The following CHN2 variants were observed in gnomAD, a reference collection of about 807,000 sequenced individuals.
CHN2 encodes beta-chimaerin.
Under a neutral mutation model 56.3 loss-of-function variants are expected in CHN2, and 35 were observed. The ratio of observed to expected loss-of-function variants is 0.62; its 90% CI spans 0.47 to 0.82. The LOEUF (loss-of-function observed/expected upper bound fraction) is 0.82. Ranked by LOEUF, CHN2 falls within the 40% of genes least tolerant of loss-of-function variation. The probability of loss-of-function intolerance (pLI) is 0.00; values close to 1 mark genes in which losing one functional copy is unlikely to be tolerated. For synonymous variants in CHN2, 210 were observed against 212.8 expected (o/e 0.99, Z 0.12); for missense variants, 491 against 580.5 (o/e 0.85, Z 1.58).
At chr7:29,264,882 AAAAC>A (rs1187456143) in intron 1 of CHN2, among the ~76,000 whole-genome samples, 3 of 150,896 alleles carry the variant, frequency 2.0e-5, no homozygotes, top group Non-Finnish European at 2.9e-5. Context: ...CAAAAAAAAA[AAAAC>A]AAGTTAATTT....
chr7:29,163,939 T>G (rs77774949), intron 2 of CHN2, among the ~76,000 whole-genome samples: 4,597 of 152,322 alleles, frequency 0.03, 253 homozygotes, highest in African/African-American at 0.1. Context: ...TCTGGGTTGT[T>G]CCCAGCTTTT....
At chr7:29,271,697 A>T (rs903439006) in intron 1 of CHN2, among the ~76,000 whole-genome samples, 1 of 152,204 alleles carries the variant, frequency 6.6e-6, no homozygotes, top group Non-Finnish European at 1.5e-5. Flanking sequence ...AGTGTTGTGA[A>T]TTATTTAGGG....
intron 6 of CHN2, among the ~76,000 whole-genome samples, chr7:29,433,563 G>A (rs1261117521): frequency 2.0e-5 from 3 of 152,192 alleles, no homozygotes; most frequent in African/African-American, 7.2e-5. Context: ...AGGGCCGGGT[G>A]CAGTGACTCA....
intron 3 of CHN2, among the ~76,000 whole-genome samples, chr7:29,370,531 T>C (rs566339237): frequency 1.3e-5 from 2 of 152,280 alleles, no homozygotes; most frequent in South Asian, 4.1e-4. Context: ...GGGCCCTTTT[T>C]CTTGGTCTTC....
At chr7:29,234,701 T>C (rs2128804972) in intron 1 of CHN2, among the ~76,000 whole-genome samples, 1 of 152,338 alleles carries the variant, frequency 6.6e-6, no homozygotes, top group Non-Finnish European at 1.5e-5. Flanking sequence ...CCATTTCTCA[T>C]CTACTGTGGC....
chr7:29,422,021 A>G (rs1334056343), intron 6 of CHN2, among the ~76,000 whole-genome samples: 1 of 136,572 alleles, frequency 7.3e-6, no homozygotes, highest in African/African-American at 2.8e-5. Flanking sequence ...ACATAGGGAC[A>G]TAAAATTCCC....
At chr7:29,484,944 C>G (rs1787793929) in intron 7 of CHN2, among the ~76,000 whole-genome samples, 1 of 152,196 alleles carries the variant, frequency 6.6e-6, no homozygotes, top group Non-Finnish European at 1.5e-5. Context: ...CTGCTGATTT[C>G]CATGGCTATT....
intron 1 of CHN2, among the ~76,000 whole-genome samples, chr7:29,228,148 A>G (rs1232166747): frequency 2.1e-5 from 3 of 146,138 alleles, no homozygotes; most frequent in African/African-American, 7.9e-5. Flanking sequence ...ACACACTAAT[A>G]TATATATATA....
chr7:29,424,343 A>G (rs1451396510), intron 6 of CHN2, among the ~76,000 whole-genome samples: 1 of 152,094 alleles, frequency 6.6e-6, no homozygotes, highest in Non-Finnish European at 1.5e-5. Flanking sequence ...TGATCTCCCC[A>G]GTTTTTTTTT....
At chr7:29,323,892 T>C (rs1795573822) in intron 1 of CHN2, among the ~76,000 whole-genome samples, 1 of 151,938 alleles carries the variant, frequency 6.6e-6, no homozygotes, top group Non-Finnish European at 1.5e-5. Context: ...TGGTCCCAGC[T>C]ACTGGGGAGG....
upstream of CHN2, chr7:29,194,726 A>C: frequency 2.3e-6 from 1 of 430,424 alleles, no homozygotes; most frequent in Non-Finnish European, 4.0e-6. Flanking sequence ...AAAGGCGCGG[A>C]GCGGGACGGA....
At chr7:29,241,452 C>A (rs1379932158) in intron 1 of CHN2, among the ~76,000 whole-genome samples, 1 of 152,040 alleles carries the variant, frequency 6.6e-6, no homozygotes, top group East Asian at 1.9e-4. Context: ...GGTTCCACCC[C>A]AGTGTGCATT....
intron 1 of CHN2, among the ~76,000 whole-genome samples, chr7:29,224,428 T>C (rs1376860518): frequency 6.6e-6 from 1 of 152,174 alleles, no homozygotes; most frequent in Non-Finnish European, 1.5e-5. Context: ...GTACAAACAT[T>C]TTTTTCTATG....
At chr7:29,508,785 A>G (rs1015884048) in intron 11 of CHN2, among the ~76,000 whole-genome samples, 2 of 152,194 alleles carry the variant, frequency 1.3e-5, no homozygotes, top group Non-Finnish European at 2.9e-5. Context: ...AAGTATGCCA[A>G]CGCCACGGTG....
chr7:29,385,546 G>C (rs1416736143), intron 3 of CHN2, among the ~76,000 whole-genome samples: 1 of 152,182 alleles, frequency 6.6e-6, no homozygotes, highest in Non-Finnish European at 1.5e-5. Flanking sequence ...GTATGCTAAG[G>C]ACAGGAGGTC....
chr7:29,468,225 A>G (rs940087292), intron 6 of CHN2, among the ~76,000 whole-genome samples: 1 of 148,406 alleles, frequency 6.7e-6, no homozygotes, highest in Non-Finnish European at 1.5e-5. Context: ...AGGATGTACA[A>G]AGTTTTATTG....
intron 1 of CHN2, among the ~76,000 whole-genome samples, chr7:29,197,184 A>T (rs1468385544): frequency 2.6e-5 from 4 of 152,180 alleles, no homozygotes; most frequent in Admixed American, 1.3e-4. Context: ...GAATCTGAGA[A>T]ATTAGGGCAC....
intron 1 of CHN2, among the ~76,000 whole-genome samples, chr7:29,224,700 G>T (rs1444775602): frequency 2.0e-5 from 3 of 152,168 alleles, no homozygotes; most frequent in Non-Finnish European, 4.4e-5. Context: ...TAAAGTTAAA[G>T]AATTCTCCAC....
intron 6 of CHN2, among the ~76,000 whole-genome samples, chr7:29,415,594 G>T (rs1359561493): frequency 5.9e-5 from 9 of 152,338 alleles, no homozygotes; most frequent in East Asian, 5.8e-4. Flanking sequence ...TTGGTGGAGG[G>T]GAAGGCTGCG....
Sources: allele counts gnomAD v4.1 joint callset (sites outside exome capture counted in the v4.1 genomes callset), GRCh38; gene constraint gnomAD v4.1.1; transcripts MANE v1.5; gene names NCBI Gene and HGNC (gene_info 2026-07-23, HGNC 2026-07-21).